Variants in VWA3B observed in about 807,000 individuals in gnomAD.
The protein encoded by VWA3B is von Willebrand factor A domain-containing protein 3B.
VWA3B carries 138 observed loss-of-function variants against 158.3 expected under a neutral mutation model. The ratio of observed to expected loss-of-function variants is 0.87; its 90% CI spans 0.76 to 1.00. VWA3B has a LOEUF of 1.00. Among genes scored for constraint, VWA3B ranks in the 50% least tolerant of loss-of-function variants. VWA3B has a pLI of 0.00. For missense variants in VWA3B, 1,555 were observed against 1,565.1 expected (o/e 0.99, Z 0.11); for synonymous variants, 596 against 587.3 (o/e 1.01, Z -0.21).
chr2:98,305,197 G>C (rs1690445593), intron 26 of VWA3B, among the ~76,000 whole-genome samples: 1 of 152,044 alleles, frequency 6.6e-6, no homozygotes, highest in Non-Finnish European at 1.5e-5. Flanking sequence ...GCCTCTCACT[G>C]CCTCCATGAC....
intron 8 of VWA3B, among the ~76,000 whole-genome samples, chr2:98,165,701 G>A (rs1679009558): frequency 6.6e-6 from 1 of 152,114 alleles, no homozygotes; most frequent in Admixed American, 6.5e-5. Context: ...GTGACTGGGT[G>A]TCCTGACCTG....
At chr2:98,212,955 G>T (rs1442339899) in intron 13 of VWA3B, among the ~76,000 whole-genome samples, 1 of 152,164 alleles carries the variant, frequency 6.6e-6, no homozygotes, top group African/African-American at 2.4e-5. Flanking sequence ...GTGCTTTGGG[G>T]AATGTGCTAG....
chr2:98,313,778 G>A (rs977671665), downstream of VWA3B, among the ~76,000 whole-genome samples: 3 of 152,160 alleles, frequency 2.0e-5, no homozygotes, highest in Admixed American at 6.5e-5. Flanking sequence ...TCTGGTGGTG[G>A]GGTATGAGCA....
At chr2:98,194,587 G>A (rs1681882064) in intron 12 of VWA3B, 95 bp downstream of exon 12, 5 of 1,453,900 alleles carry the variant, frequency 3.4e-6, no homozygotes, top group African/African-American at 1.4e-5. Flanking sequence ...GAGGTGTTTT[G>A]CACTCTCAGG....
intron 7 of VWA3B, among the ~76,000 whole-genome samples, chr2:98,136,077 T>G (rs1246842472): frequency 6.6e-6 from 1 of 152,198 alleles, no homozygotes; most frequent in Non-Finnish European, 1.5e-5. Context: ...AGAGGACTTT[T>G]CTGGCAATGT....
At chr2:98,245,631 T>C (rs1686345224) in intron 19 of VWA3B, 1 of 456,612 alleles carries the variant, frequency 2.2e-6, no homozygotes, top group South Asian at 1.5e-5. Flanking sequence ...GGGTTTTTCT[T>C]AAATACATTA....
At chr2:98,304,467 C>A (rs1690391820) in intron 26 of VWA3B, among the ~76,000 whole-genome samples, 1 of 152,166 alleles carries the variant, frequency 6.6e-6, no homozygotes, top group Non-Finnish European at 1.5e-5. Flanking sequence ...CAGGAAACAT[C>A]TTCCAGTTTC....
intron 19 of VWA3B, among the ~76,000 whole-genome samples, chr2:98,248,510 C>T (rs1686542906): frequency 6.6e-6 from 1 of 152,114 alleles, no homozygotes; most frequent in Non-Finnish European, 1.5e-5. Context: ...TCAAAGAGTG[C>T]CTTGATTTAG....
At chr2:98,206,902 T>A in intron 12 of VWA3B, 1 of 431,374 alleles carries the variant, frequency 2.3e-6, no homozygotes, top group South Asian at 1.8e-5. Flanking sequence ...AATGACTGAG[T>A]CTGGTGTTGT....
intron 7 of VWA3B, 67 bp from the exon 8 acceptor site, chr2:98,162,784 G>C: frequency 6.3e-7 from 1 of 1,588,580 alleles, no homozygotes; most frequent in Non-Finnish European, 8.6e-7. Context: ...CGTCAGGCCT[G>C]CTAGGCGGGC....
intron 21 of VWA3B, among the ~76,000 whole-genome samples, chr2:98,263,235 A>G (rs1687591675): frequency 6.6e-6 from 1 of 151,862 alleles, no homozygotes; most frequent in Non-Finnish European, 1.5e-5. Flanking sequence ...CTTCTTTTCT[A>G]ATTTGGATAT....
At chr2:98,303,125 G>A (rs62155306) in intron 25 of VWA3B, among the ~76,000 whole-genome samples, 4,250 of 152,256 alleles carry the variant, frequency 0.028, 83 homozygotes, top group Non-Finnish European at 0.043. Context: ...AGATGTCCCC[G>A]GGCATGCCCT....
chr2:98,194,605 T>G (rs1681884744), intron 12 of VWA3B, 113 bp downstream of exon 12: 4 of 1,329,212 alleles, frequency 3.0e-6, no homozygotes, highest in Non-Finnish European at 4.1e-6. Context: ...AGGATGGAAG[T>G]GGCTTAACAT....
intron 20 of VWA3B, among the ~76,000 whole-genome samples, chr2:98,251,268 G>A (rs548560708): frequency 6.6e-6 from 1 of 152,222 alleles, no homozygotes; most frequent in East Asian, 1.9e-4. Context: ...CATGAGATCT[G>A]TAAAGTTTTC....
intron 21 of VWA3B, among the ~76,000 whole-genome samples, chr2:98,256,780 T>A (rs1687180131): frequency 6.6e-6 from 1 of 152,174 alleles, no homozygotes; most frequent in Non-Finnish European, 1.5e-5. Flanking sequence ...TTTTCCACAG[T>A]GGCTATGCCA....
chr2:98,320,818 A>G, the VWA3B span, among the ~76,000 whole-genome samples: 1 of 152,192 alleles, frequency 6.6e-6, no homozygotes, highest in Non-Finnish European at 1.5e-5. Flanking sequence ...AGGAGAGAAA[A>G]CGCCATTTTC....
chr2:98,270,954 G>T (rs1030293386), intron 22 of VWA3B, 71 bp downstream of exon 22: 12 of 1,491,346 alleles, frequency 8.0e-6, no homozygotes, highest in Admixed American at 1.8e-5. Flanking sequence ...TCCTACATTG[G>T]CTTCCTTCTC....
downstream of VWA3B, among the ~76,000 whole-genome samples, chr2:98,314,055 G>T (rs1043764229): frequency 6.6e-6 from 1 of 152,208 alleles, no homozygotes; most frequent in Non-Finnish European, 1.5e-5. Flanking sequence ...GATAAGGACA[G>T]TGCTCTTTGA....
chr2:98,139,431 G>T (rs1317153189), intron 7 of VWA3B, among the ~76,000 whole-genome samples: 2 of 152,274 alleles, frequency 1.3e-5, no homozygotes, highest in South Asian at 4.1e-4. Flanking sequence ...TGAAGCCCCT[G>T]TGTGGGATCC....
Sources: allele counts gnomAD v4.1 joint callset (sites outside exome capture counted in the v4.1 genomes callset), GRCh38; gene constraint gnomAD v4.1.1; transcripts MANE v1.5; gene names NCBI Gene and HGNC (gene_info 2026-07-23, HGNC 2026-07-21).